The following GNAO1 variants were observed in gnomAD, a reference collection of about 807,000 sequenced individuals.
The protein encoded by GNAO1 is G protein subunit alpha o1, also known as guanine nucleotide-binding protein G(o) subunit alpha.
For missense variants in GNAO1, 166 were observed against 478.7 expected (o/e 0.35, Z 6.10); for synonymous variants, 164 against 180.7 (o/e 0.91, Z 0.74).
At chr16:56,271,348 A>G (rs2037015936) in intron 2 of GNAO1, among the ~76,000 whole-genome samples, 1 of 152,270 alleles carries the variant, frequency 6.6e-6, no homozygotes. Context: ...TAAAGCACTT[A>G]GCACAGAGGG....
chr16:56,199,994 A>G (rs1434141012), intron 2 of GNAO1, among the ~76,000 whole-genome samples: 1 of 152,210 alleles, frequency 6.6e-6, no homozygotes, highest in Non-Finnish European at 1.5e-5. Context: ...AGGGAGAATA[A>G]TACATAAGAC....
chr16:56,289,540 G>A (rs1280305948), intron 3 of GNAO1, among the ~76,000 whole-genome samples: 5 of 152,206 alleles, frequency 3.3e-5, no homozygotes, highest in Non-Finnish European at 7.3e-5. Context: ...ATGTCTCAGG[G>A]ACGCAGGAGA....
At chr16:56,262,330 G>C (rs1159754848) in intron 2 of GNAO1, among the ~76,000 whole-genome samples, 3 of 152,238 alleles carry the variant, frequency 2.0e-5, no homozygotes. Flanking sequence ...CACCTGGTCT[G>C]TTTGGATGAC....
At chr16:56,238,606 T>A (rs1228295234) in intron 2 of GNAO1, among the ~76,000 whole-genome samples, 2 of 152,166 alleles carry the variant, frequency 1.3e-5, no homozygotes, top group Non-Finnish European at 2.9e-5. Flanking sequence ...GAGCAATTGT[T>A]CCCCCTCAAG....
intron 3 of GNAO1, among the ~76,000 whole-genome samples, chr16:56,287,211 T>C (rs2037181127): frequency 6.6e-6 from 1 of 152,158 alleles, no homozygotes. Flanking sequence ...GGAGATAGGC[T>C]GGTAACAGAA....
At chr16:56,339,670 G>C (rs1295650316) in intron 6 of GNAO1, 1 of 152,378 alleles carries the variant, frequency 6.6e-6, no homozygotes, top group Non-Finnish European at 1.5e-5. Context: ...CCGGGAGCCC[G>C]AGAGCCTGGT....
In GNAO1 at chr16:56,328,623, C is replaced by T. The variant is rs1023095932; in HGVS notation, c.304-8C>T. The T allele has an allele frequency of 6.2e-7, 1 of 1,613,128 alleles. No individual in the cohort carries two copies. The highest frequency in any genetic ancestry group is 8.5e-7 in the Non-Finnish European group (1 of 1,179,152). On this transcript the variant is annotated splice_region_variant and splice_polypyrimidine_tract_variant and intron_variant, in intron 3 of 8. Transcript: ENST00000262493. ...GCGTCAAAGCCCACCATCCACCTCT[C>T]CTCACAGGCTGACGCCAAGATGGTG... is the stretch of plus-strand genomic sequence containing the variant.
At chr16:56,295,276 C>T (rs1371947508) in intron 3 of GNAO1, among the ~76,000 whole-genome samples, 1 of 152,156 alleles carries the variant, frequency 6.6e-6, no homozygotes, top group Non-Finnish European at 1.5e-5. Context: ...TCAGACAGTC[C>T]TGGGTCCAAG....
intron 3 of GNAO1, among the ~76,000 whole-genome samples, chr16:56,282,771 A>G (rs75444357): frequency 0.022 from 3,376 of 152,356 alleles, 72 homozygotes; most frequent in African/African-American, 0.046. Context: ...GGCCCAAAAA[A>G]GCAGGATATC....
intron 8 of GNAO1, 67 bp downstream of exon 8, chr16:56,355,148 AC>A: frequency 3.3e-6 from 2 of 608,336 alleles, no homozygotes; most frequent in Non-Finnish European, 5.7e-6. Flanking sequence ...ACACACACAC[AC>A]ACACACCACT....
At chr16:56,194,362 C>T (rs751258481) in intron 2 of GNAO1, 9 of 434,232 alleles carry the variant, frequency 2.1e-5, no homozygotes, top group South Asian at 1.4e-4. Context: ...AGCCGCGCCA[C>T]CCCTTTCTCC....
chr16:56,198,326 TCA>T (rs1183088326), intron 2 of GNAO1, among the ~76,000 whole-genome samples: 1 of 152,184 alleles, frequency 6.6e-6, no homozygotes, highest in Non-Finnish European at 1.5e-5. Flanking sequence ...TCCCTCTCAT[TCA>T]CACACAGCAT....
At chr16:56,284,026 C>A (rs1297768666) in intron 3 of GNAO1, among the ~76,000 whole-genome samples, 2 of 152,238 alleles carry the variant, frequency 1.3e-5, no homozygotes, top group Non-Finnish European at 2.9e-5. Context: ...CTTTCCATCT[C>A]AGCAGGCTGC....
intron 2 of GNAO1, among the ~76,000 whole-genome samples, chr16:56,244,813 A>G (rs576162889): frequency 1.3e-5 from 2 of 152,302 alleles, no homozygotes; most frequent in Admixed American, 6.5e-5. Flanking sequence ...GAGCATGGAC[A>G]GAGCTCCCGG....
intron 6 of GNAO1, among the ~76,000 whole-genome samples, chr16:56,342,050 A>G (rs543281985): frequency 5.7e-4 from 87 of 152,272 alleles, no homozygotes; most frequent in African/African-American, 1.9e-3. Flanking sequence ...GGACCCAGGC[A>G]TGTCCAGCTG....
Position 56,311,531 on chromosome 16 carries a change from G to A in GNAO1, c.304-17100G>A, listed in dbSNP as rs1204988034. On this transcript the variant is annotated intron_variant, in intron 3 of 8. Coordinates refer to ENST00000262493, the MANE Select transcript of GNAO1 (RefSeq NM_020988.3). This position sits in a 1 kb window ranked among gnomAD's most constrained non-coding sequence, Gnocchi z 5.2. ...CCATGCACCCTGATCCCAGACCTCA[G>A]AGAAAAACTGTTGGGGTGATGGCGC... is the stretch of plus-strand genomic sequence containing the variant. 1.3e-5 allele frequency among the ~76,000 whole-genome samples: 2 copies of A among 152,218 alleles called. No individual in the cohort carries two copies. The highest frequency in any genetic ancestry group is 4.8e-5 in the African/African-American group (2 of 41,448).
At chr16:56,215,925 G>C (rs1484846027) in intron 2 of GNAO1, among the ~76,000 whole-genome samples, 2 of 152,200 alleles carry the variant, frequency 1.3e-5, no homozygotes, top group African/African-American at 2.4e-5. Context: ...CTCTCTTCCT[G>C]ATGAGAAGAC....
At position 56,211,958 on chromosome 16, in the gene GNAO1, G is replaced by A. The variant is rs560797657; in HGVS notation, c.161+19342G>A. On this transcript the variant is annotated intron_variant, in intron 2 of 8. Coordinates refer to ENST00000262493, the MANE Select transcript of GNAO1 (RefSeq NM_020988.3). Reference sequence around the variant, plus strand: ...TGACTGTAAATTATGCAACTCCAGAGTCAAAGAATGAGGAATAATGGGGGA... The same window carrying A: ...TGACTGTAAATTATGCAACTCCAGAATCAAAGAATGAGGAATAATGGGGGA... 2.0e-5 allele frequency among the ~76,000 whole-genome samples: 3 copies of A among 152,322 alleles called. No homozygotes were observed. The East Asian group carries it at 5.8e-4, about 29-fold the overall frequency.
At chr16:56,237,286 GT>G (rs1159736616) in intron 2 of GNAO1, among the ~76,000 whole-genome samples, 1 of 152,162 alleles carries the variant, frequency 6.6e-6, no homozygotes, top group African/African-American at 2.4e-5. Flanking sequence ...ACAGATATTT[GT>G]TAAGCATCAT....
Sources: gnomAD v4.1 joint callset for allele counts (sites outside exome capture counted in the v4.1 genomes callset) on GRCh38, gnomAD v4.1.1 for gene constraint, Gnocchi (gnomAD v3.1) non-coding constraint, MANE v1.5 for transcripts, NCBI Gene and HGNC (gene_info 2026-07-23, HGNC 2026-07-21) for gene names.